The following AAK1 variants were observed in gnomAD, a reference collection of about 807,000 sequenced individuals.
The protein encoded by AAK1 is AP2 associated kinase 1.
Under a neutral mutation model 116.0 loss-of-function variants are expected in AAK1, and 37 were observed. That is an observed-to-expected ratio of 0.32 (90% CI 0.25 to 0.42). The LOEUF (loss-of-function observed/expected upper bound fraction) is 0.42. Ranked by LOEUF, AAK1 falls within the 10% of genes least tolerant of loss-of-function variation. The pLI, the probability that AAK1 is intolerant of heterozygous loss-of-function variation, is 1.00. For missense variants in AAK1, 919 were observed against 1,170.6 expected, an observed-to-expected ratio of 0.79 and a Z score of 3.14; for synonymous variants, 458 against 439.9, an observed-to-expected ratio of 1.04 and a Z score of -0.51.
At chr2:69,497,295 CTT>C (rs1176401016) in intron 16 of AAK1, among the ~76,000 whole-genome samples, 363 of 76,038 alleles carry the variant, frequency 4.8e-3, no homozygotes, top group African/African-American at 0.02. Context: ...CATTATCATT[CTT>C]TTTTTTTTTT....
chr2:69,500,085 T>C (rs1325865934), intron 16 of AAK1: 2 of 152,226 alleles, frequency 1.3e-5, no homozygotes, highest in African/African-American at 2.4e-5. Flanking sequence ...CCCCGTGCCA[T>C]CCTCCCGAAC....
At chr2:69,539,690 CCA>C (rs1190864019) in intron 5 of AAK1, among the ~76,000 whole-genome samples, 1 of 152,180 alleles carries the variant, frequency 6.6e-6, no homozygotes, top group Non-Finnish European at 1.5e-5. Context: ...CTGCAACTGG[CCA>C]CACACTGGAG....
chr2:69,529,903 C>T lies in AAK1; in HGVS notation c.871+105G>A, dbSNP rs543704496. Reference sequence around the variant, plus strand: ...CAATCATTATCAACTAATTTCTTTACCTTTGCATCTAACTCATTACTCCTG... The same window carrying T: ...CAATCATTATCAACTAATTTCTTTATCTTTGCATCTAACTCATTACTCCTG... On this transcript the variant is annotated intron_variant, in intron 8 of 21. Coordinates refer to ENST00000409085, the MANE Select transcript of AAK1 (RefSeq NM_014911.5). 6.3e-5 allele frequency: 64 copies of T among 1,022,992 alleles called. No homozygotes were observed. In the African/African-American group the frequency reaches 1.0e-3, roughly 17 times the overall value. The allele number at this position is 1,022,992 out of a possible 1,614,324, so 63.4% of individuals were successfully genotyped here. A position where few individuals can be genotyped will look rare whatever the true frequency, so the allele number is the denominator to read the frequency against.
At chr2:69,518,249 T>G (rs977804394) in intron 12 of AAK1, among the ~76,000 whole-genome samples, 2 of 152,200 alleles carry the variant, frequency 1.3e-5, no homozygotes, top group Admixed American at 6.5e-5. Context: ...TATTGGATAC[T>G]GATTCAAACA....
Position 69,463,713 on chromosome 2 carries a change from A to T in AAK1, c.*12156T>A, listed in dbSNP as rs58097340. ...TTTTTAGTAGAGATGGGGTTTCACC[A>T]TGTTGGCCAGGCTGGTCTCAAACTC... On this transcript the variant is annotated 3_prime_UTR_variant, in exon 22 of 22. Transcript: ENST00000409085. The T allele has an allele frequency of 0.025, 3,818 of 152,254 alleles. 176 individuals carry two copies. The highest frequency in any genetic ancestry group is 0.2 in the East Asian group (1,011 of 5,160). The allele number at this position is 152,254 out of a possible 1,614,324, so 9.4% of individuals were successfully genotyped here.
At chr2:69,628,160 T>A (rs1234329780) in intron 2 of AAK1, among the ~76,000 whole-genome samples, 1 of 152,162 alleles carries the variant, frequency 6.6e-6, no homozygotes, top group Non-Finnish European at 1.5e-5. Context: ...AAAACTATTG[T>A]CTTGGCTGGG....
Position 69,509,416 on chromosome 2 carries a change from T to G in AAK1, c.1821A>C (p.Pro607=). 1 of 1,613,564 alleles carries G rather than the reference T, an allele frequency of 6.2e-7. No homozygotes were observed. Among genetic ancestry groups the G allele is most frequent in the Non-Finnish European group, 8.5e-7 (1 of 1,179,802 alleles). The change falls in exon 14 of 22, where the codon CCA becomes CCC. Residue 607 remains proline, a synonymous_variant. Transcript: ENST00000409085. ...CTTTCTGCCCCTGGACGGCAGGAGG[T>G]GGGGTTGTCTGAACCTTTGGCTGTT... is the stretch of plus-strand genomic sequence containing the variant. ...VRQQPKVQTT[P]PPAVQGQKVG...
Position 69,468,215 on chromosome 2 carries a change from T to A in AAK1, c.*7654A>T. On this transcript the variant is annotated 3_prime_UTR_variant, in exon 22 of 22. Transcript: ENST00000409085. ...GTGGACAGGAAATAAACAGAATACC[T>A]TCTTCCTTGCGATTTATGTGGACAG... The A allele has an allele frequency of 1.0e-6, 1 of 985,464 alleles. No individual in the cohort carries two copies. The highest frequency in any genetic ancestry group is 1.2e-6 in the Non-Finnish European group (1 of 829,930). The allele number at this position is 985,464 out of a possible 1,614,324, so 61.0% of individuals were successfully genotyped here.
intron 2 of AAK1, among the ~76,000 whole-genome samples, chr2:69,582,373 GCGTGTGTGTGCA>G (rs200049066): frequency 0.021 from 3,196 of 152,122 alleles, 100 homozygotes; most frequent in African/African-American, 0.07. Context: ...CTCCGTGTGT[GCGTGTGTGTGCA>G]CGTGTGTGTG....
At chr2:69,622,244 G>T (rs116385212) in intron 2 of AAK1, among the ~76,000 whole-genome samples, 20,068 of 152,234 alleles carry the variant, frequency 0.13, 3,068 homozygotes, top group African/African-American at 0.36. Flanking sequence ...CTCGATTTCT[G>T]GCCGGGCCTT....
At chr2:69,521,412 G>A (rs905899073) in intron 10 of AAK1, among the ~76,000 whole-genome samples, 2 of 152,226 alleles carry the variant, frequency 1.3e-5, no homozygotes, top group Admixed American at 6.5e-5. Context: ...CAGATGCGAA[G>A]AGGATTCAAA....
At chr2:69,579,221 G>A (rs965186654) in intron 2 of AAK1, among the ~76,000 whole-genome samples, 15 of 152,108 alleles carry the variant, frequency 9.9e-5, no homozygotes, top group African/African-American at 2.2e-4. Flanking sequence ...TCAATCAAGC[G>A]GATGGTTTTC....
chr2:69,587,368 T>C (rs374182114), intron 2 of AAK1, among the ~76,000 whole-genome samples: 49 of 103,238 alleles, frequency 4.7e-4, no homozygotes, highest in East Asian at 1.4e-3. Flanking sequence ...CATATGCGTG[T>C]ACACACACAT....
chr2:69,518,419 T>TTG (rs1676675959), intron 12 of AAK1, among the ~76,000 whole-genome samples: 1 of 136,512 alleles, frequency 7.3e-6, no homozygotes, highest in Admixed American at 7.3e-5. Context: ...TAGTTTTTTT[T>TTG]TTTTTTTTTT....
chr2:69,620,300 C>T (rs1313605645), intron 2 of AAK1, among the ~76,000 whole-genome samples: 2 of 152,198 alleles, frequency 1.3e-5, no homozygotes, highest in Non-Finnish European at 2.9e-5. Context: ...TCCCTCCTGT[C>T]TCCTCTGGGA....
chr2:69,576,147 C>G (rs943670635), intron 2 of AAK1, among the ~76,000 whole-genome samples: 5 of 152,212 alleles, frequency 3.3e-5, no homozygotes, highest in African/African-American at 1.2e-4. Context: ...TCCTACAAAA[C>G]CCTCCTCACT....
chr2:69,609,903 A>T (rs1033108248), intron 2 of AAK1, among the ~76,000 whole-genome samples: 1 of 151,812 alleles, frequency 6.6e-6, no homozygotes, highest in Admixed American at 6.6e-5. Flanking sequence ...ACAAAAAATT[A>T]GCCGAGCATG....
At chr2:69,619,816 G>T (rs1227910821) in intron 2 of AAK1, among the ~76,000 whole-genome samples, 1 of 152,158 alleles carries the variant, frequency 6.6e-6, no homozygotes, top group African/African-American at 2.4e-5. Flanking sequence ...AATCTGCCCT[G>T]CTTTAAGAAA....
At chr2:69,489,060 C>T (rs1675416373) in intron 17 of AAK1, among the ~76,000 whole-genome samples, 1 of 150,782 alleles carries the variant, frequency 6.6e-6, no homozygotes, top group African/African-American at 2.4e-5. Flanking sequence ...TACCCAGTCT[C>T]ATCTCAAACT....
Sources: gnomAD v4.1 joint callset for allele counts (sites outside exome capture counted in the v4.1 genomes callset) on GRCh38, gnomAD v4.1.1 for gene constraint, MANE v1.5 for transcripts, NCBI Gene and HGNC (gene_info 2026-07-23, HGNC 2026-07-21) for gene names.